PTK7: variants seen among roughly 807,000 people sequenced by gnomAD.
PTK7 encodes the protein protein tyrosine kinase 7 (inactive), also known as inactive tyrosine-protein kinase 7.
In PTK7, 39 loss-of-function variants were observed where a neutral mutation model predicts 116.6. That is an observed-to-expected ratio of 0.33 (90% CI 0.26 to 0.44). PTK7 has a LOEUF of 0.44. PTK7 is among the 20% of genes least tolerant of loss of function. The probability of loss-of-function intolerance (pLI) is 1.00; values close to 1 mark genes in which losing one functional copy is unlikely to be tolerated. For synonymous variants in PTK7, 546 were observed against 563.6 expected (o/e 0.97, Z 0.44); for missense variants, 1,169 against 1,425.6 (o/e 0.82, Z 2.90).
At position 43,116,658 on chromosome 6, in the gene PTK7, G is replaced by A. The variant is rs199548331; in HGVS notation, c.80-12319G>A. ...TGTGTGTGTGTGTGTGTGTGCGCGC[G>A]CACGCACGCACGCATATGGATACAT... On this transcript the variant is annotated intron_variant, in intron 1 of 19. Coordinates refer to ENST00000230419, the MANE Select transcript of PTK7 (RefSeq NM_002821.5). Among the ~76,000 whole-genome samples the A allele has an allele frequency of 7.5e-5, 8 of 106,972 alleles. No individual in the cohort carries two copies. The South Asian group carries it at 9.0e-4, about 12-fold the overall frequency. 70.2% of individuals were successfully genotyped at this position (106,972 alleles called of 152,430 possible).
Position 43,145,150 on chromosome 6 carries a change from C to A in PTK7, c.2408-50C>A. ...CTAGGCCCCTCCCCCAGGTCAGGAG[C>A]TGCCTCGGCCTGGGTGAAGGTGGCT... is the stretch of plus-strand genomic sequence containing the variant. On this transcript the variant is annotated intron_variant, in intron 15 of 19. Transcript: ENST00000230419. The surrounding 1 kb of genome is among the most constrained non-coding windows in gnomAD (Gnocchi z 4.8). The A allele has an allele frequency of 6.6e-7, 1 of 1,512,280 alleles. No individual in the cohort carries two copies. Among genetic ancestry groups the A allele is most frequent in the South Asian group, 1.3e-5 (1 of 78,520 alleles). The allele number at this position is 1,512,280 out of a possible 1,614,324, so 93.7% of individuals were successfully genotyped here.
intron 1 of PTK7, among the ~76,000 whole-genome samples, chr6:43,108,582 TG>T (rs1020390492): frequency 1.3e-5 from 2 of 150,802 alleles, no homozygotes; most frequent in Non-Finnish European, 3.0e-5. Context: ...GTAATATTTT[TG>T]TAGAGACGGG....
At chr6:43,136,432 T>C (rs1582173475) in intron 7 of PTK7, among the ~76,000 whole-genome samples, 1 of 152,168 alleles carries the variant, frequency 6.6e-6, no homozygotes, top group Middle Eastern at 3.4e-3. Flanking sequence ...GGCCCGCTCG[T>C]CTACCTGGTG....
intron 17 of PTK7, among the ~76,000 whole-genome samples, chr6:43,155,262 A>G (rs373315418): frequency 2.6e-5 from 4 of 152,004 alleles, no homozygotes; most frequent in African/African-American, 4.8e-5. Flanking sequence ...GGCTCAAGCA[A>G]TTCTCCTACC....
intron 1 of PTK7, among the ~76,000 whole-genome samples, chr6:43,082,229 G>A (rs1011492601): frequency 2.0e-5 from 3 of 152,146 alleles, no homozygotes; most frequent in African/African-American, 7.2e-5. Flanking sequence ...AGGCTGAAGT[G>A]CAGTGGCACG....
intron 1 of PTK7, among the ~76,000 whole-genome samples, chr6:43,101,225 A>AAAAAAGAAAGAAAG (rs530253569): frequency 1.4e-5 from 2 of 146,354 alleles, no homozygotes. Flanking sequence ...CAAAAAAAAA[A>AAAAAAGAAAGAAAG]AAAGAAAGAA....
intron 17 of PTK7, among the ~76,000 whole-genome samples, chr6:43,152,141 C>T (rs1771150007): frequency 6.6e-6 from 1 of 151,916 alleles, no homozygotes; most frequent in Non-Finnish European, 1.5e-5. Flanking sequence ...TGAGCCACTG[C>T]GCCCAGCCCA....
chr6:43,156,106 G>A (rs376919610), intron 17 of PTK7, among the ~76,000 whole-genome samples: 98 of 151,742 alleles, frequency 6.5e-4, no homozygotes, highest in African/African-American at 2.0e-3. Flanking sequence ...GTGGGCACCT[G>A]TAATCCCAGC....
intron 7 of PTK7, among the ~76,000 whole-genome samples, chr6:43,135,095 T>C (rs962509708): frequency 3.3e-5 from 5 of 152,148 alleles, no homozygotes; most frequent in Non-Finnish European, 5.9e-5. Flanking sequence ...TGATACTTCA[T>C]GTGTGTTCAA....
At chr6:43,102,920 C>G (rs1313061037) in intron 1 of PTK7, among the ~76,000 whole-genome samples, 1 of 151,948 alleles carries the variant, frequency 6.6e-6, no homozygotes, top group Non-Finnish European at 1.5e-5. Context: ...GACAACTAAG[C>G]AAGACCCTGT....
At chr6:43,157,813 G>A (rs1008894260) in intron 17 of PTK7, among the ~76,000 whole-genome samples, 1 of 151,570 alleles carries the variant, frequency 6.6e-6, no homozygotes, top group Non-Finnish European at 1.5e-5. Flanking sequence ...CACAACCTCC[G>A]CCTGCTGGGT....
intron 1 of PTK7, among the ~76,000 whole-genome samples, chr6:43,079,055 A>C (rs1156423405): frequency 1.3e-5 from 2 of 152,088 alleles, no homozygotes; most frequent in Non-Finnish European, 2.9e-5. Context: ...TGATATACTC[A>C]AACTCCTGGT....
intron 1 of PTK7, among the ~76,000 whole-genome samples, chr6:43,108,726 T>C (rs1389343355): frequency 1.3e-5 from 2 of 152,264 alleles, no homozygotes; most frequent in Admixed American, 6.5e-5. Context: ...AATAATGAGT[T>C]AGATGTAGAG....
intron 1 of PTK7, among the ~76,000 whole-genome samples, chr6:43,120,242 C>CAGGGTATT (rs1768877756): frequency 6.6e-6 from 1 of 152,222 alleles, no homozygotes. Context: ...CGCGTGCTCT[C>CAGGGTATT]AGGGTATTTA....
intron 1 of PTK7, among the ~76,000 whole-genome samples, chr6:43,096,305 A>G (rs1042168668): frequency 3.9e-5 from 6 of 152,120 alleles, no homozygotes; most frequent in Non-Finnish European, 5.9e-5. Flanking sequence ...TGCTGCCAAA[A>G]CAGAACTTCG....
rs1770286686 is a variant in PTK7, at chr6:43,139,935, GAA to G, written c.1618+412_1618+413del. Among the ~76,000 whole-genome samples the G allele has an allele frequency of 6.6e-6, 1 of 151,936 alleles. No individual in the cohort carries two copies. The highest frequency in any genetic ancestry group is 1.5e-5 in the Non-Finnish European group (1 of 68,000). ...TTGAGACCAGCCTGGCCAACATGGT[GAA>G]ACCCCATCTCTACTAAAAATGCAAA... On this transcript the variant is annotated intron_variant, in intron 10 of 19. Coordinates refer to ENST00000230419, the MANE Select transcript of PTK7 (RefSeq NM_002821.5). The surrounding 1 kb of genome is among the most constrained non-coding windows in gnomAD (Gnocchi z 4.6).
At chr6:43,159,524 A>G in intron 18 of PTK7, 2 of 532,080 alleles carry the variant, frequency 3.8e-6, no homozygotes. Context: ...GAAAGTATGT[A>G]TGACTATTAA....
chr6:43,146,658 A>C lies in PTK7; in HGVS notation c.2681A>C (p.Asp894Ala). 6.2e-7 allele frequency: 1 copy of C among 1,613,564 alleles called. No individual in the cohort carries two copies. The highest frequency in any genetic ancestry group is 8.5e-7 in the Non-Finnish European group (1 of 1,179,954). ...TTCCTGAGGATTTCCAAGAGCAAGG[A>C]TGAAAAATTGAAGTCACAGCCCCTC... ...KQFLRISKSK[D>A]EKLKSQPLST... Residue 894 changes from aspartate (D) to alanine (A), a missense_variant, in exon 17 of 20, where the codon GAT (aspartate) becomes GCT (alanine). By Grantham distance (126) the Asp-to-Ala change is moderately radical. This residue lies in a region of PTK7 where 678 missense variants were observed against 853.8 expected (regional missense o/e 0.79). Transcript: ENST00000230419.
chr6:43,158,810 T>G lies in PTK7; in HGVS notation c.2722-7T>G. 6.2e-7 allele frequency: 1 copy of G among 1,613,362 alleles called. No individual in the cohort carries two copies. Among genetic ancestry groups the G allele is most frequent in the Non-Finnish European group, 8.5e-7 (1 of 1,179,680 alleles). ...GGCTGCTCTAACAGGCCCCTTTATC[T>G]CTCCAGGTGGCCCTATGCACCCAGG... On this transcript the variant is annotated splice_polypyrimidine_tract_variant and splice_region_variant and intron_variant, in intron 17 of 19. Coordinates refer to ENST00000230419, the MANE Select transcript of PTK7 (RefSeq NM_002821.5).
Sources: allele counts gnomAD v4.1 joint callset (sites outside exome capture counted in the v4.1 genomes callset), GRCh38; gene constraint gnomAD v4.1.1; regional missense constraint gnomAD v4.1.1; non-coding constraint Gnocchi (gnomAD v3.1); transcripts MANE v1.5; gene names NCBI Gene and HGNC (gene_info 2026-07-23, HGNC 2026-07-21).